Variants in NPHP4 observed in about 807,000 individuals in gnomAD.
NPHP4 encodes nephrocystin-4.
A neutral mutation model predicts 155.8 loss-of-function variants in NPHP4; 151 were observed. The observed-to-expected ratio is 0.97, with a 90% CI of 0.85 to 1.11. The LOEUF is 1.11. Ranked by LOEUF, NPHP4 falls within the 50% of genes least tolerant of loss-of-function variation. The pLI is 0.00. For missense variants in NPHP4, 1,956 were observed against 1,925.7 expected (o/e 1.02, Z -0.29); for synonymous variants, 845 against 816.8 (o/e 1.03, Z -0.59).
chr1:5,965,697 C>G (rs1401147147), intron 5 of NPHP4, among the ~76,000 whole-genome samples: 1 of 152,132 alleles, frequency 6.6e-6, no homozygotes, highest in African/African-American at 2.4e-5. Context: ...CCCATGCTAA[C>G]CACCGTTAGC....
At chr1:5,896,953 G>A (rs1474678508) in intron 16 of NPHP4, among the ~76,000 whole-genome samples, 4 of 152,116 alleles carry the variant, frequency 2.6e-5, no homozygotes, top group Admixed American at 2.0e-4. Context: ...CCGCAGCCAC[G>A]CTCCAAAGAC....
Position 5,904,794 on chromosome 1 carries a change from C to A in NPHP4, c.1966G>T (p.Asp656Tyr). ...TTTGGCCATGATGTTCCTCGGCAGTCCTGGGCCACTCTGAATCCAACAACA... is the reference window on the plus strand; with the variant it reads ...TTTGGCCATGATGTTCCTCGGCAGTACTGGGCCACTCTGAATCCAACAACA... Reference protein sequence around the residue: ...QFLAFSRVAQDCRGTSWPKTV... With the variant: ...QFLAFSRVAQYCRGTSWPKTV... The change falls in exon 16 of 30, where the codon GAC becomes TAC. Residue 656 changes from aspartate to tyrosine, a missense_variant. Physicochemically the swap from Asp to Tyr is radical, Grantham distance 160. Transcript: ENST00000378156. 1.2e-6 allele frequency: 2 copies of A among 1,613,978 alleles called. No homozygotes were observed. The highest frequency in any genetic ancestry group is 2.2e-5 in the South Asian group (2 of 91,068).
intron 16 of NPHP4, among the ~76,000 whole-genome samples, chr1:5,891,865 C>T (rs146755969): frequency 6.6e-6 from 1 of 152,230 alleles, no homozygotes; most frequent in Non-Finnish European, 1.5e-5. Context: ...AGGATGACCA[C>T]AGACCACATT....
In NPHP4 at chr1:5,947,268, C is replaced by T. The variant is rs144204852; in HGVS notation, c.993-38G>A. Reference sequence around the variant, plus strand: ...CACAAACCAGGGACACATTAGAGCTCGAGCTCCCATCCTTCCCGCATCCAC... The same window carrying T: ...CACAAACCAGGGACACATTAGAGCTTGAGCTCCCATCCTTCCCGCATCCAC... On this transcript the variant is annotated intron_variant, in intron 8 of 29. Transcript: ENST00000378156. 170 of 1,607,210 alleles carry T rather than the reference C, an allele frequency of 1.1e-4. No individual in the cohort carries two copies. In the African/African-American group the frequency reaches 1.8e-3, roughly 17 times the overall value.
chr1:5,937,522 C>A (rs1485821245), intron 9 of NPHP4, among the ~76,000 whole-genome samples: 1 of 152,260 alleles, frequency 6.6e-6, no homozygotes, highest in Admixed American at 6.5e-5. Context: ...CTTGCCTAGG[C>A]ACCCAGCCTC....
At chr1:5,932,154 T>C (rs1222563214) in intron 10 of NPHP4, among the ~76,000 whole-genome samples, 3 of 152,158 alleles carry the variant, frequency 2.0e-5, no homozygotes, top group Non-Finnish European at 2.9e-5. Flanking sequence ...TGCCTTGATA[T>C]TGATGGCTGC....
Position 5,865,170 on chromosome 1 carries a change from G to T in NPHP4, c.3748C>A (p.Leu1250Ile). Residue 1250 changes from leucine (L) to isoleucine (I), a missense_variant, in exon 27 of 30, where the codon CTT becomes ATT. Coordinates refer to ENST00000378156, the MANE Select transcript of NPHP4 (RefSeq NM_015102.5). Reference protein sequence around the residue: ...CVAGQLTRLSLVLRGTQTVRK... With the variant: ...CVAGQLTRLSIVLRGTQTVRK... ...ACTGTCTGTGTCCCCCGAAGGACAA[G>T]GGACAGGCGGGTCAGCTGGCCTGCG... 1 of 1,613,264 alleles carries T rather than the reference G, an allele frequency of 6.2e-7. No individual in the cohort carries two copies. The highest frequency in any genetic ancestry group is 8.5e-7 in the Non-Finnish European group (1 of 1,179,700).
At chr1:5,975,412 G>A (rs1260458043) in intron 3 of NPHP4, among the ~76,000 whole-genome samples, 5 of 152,174 alleles carry the variant, frequency 3.3e-5, no homozygotes, top group African/African-American at 4.8e-5. Context: ...TGAATAGCAC[G>A]GGGGCTTCAG....
Position 5,944,467 on chromosome 1 carries a change from T to C in NPHP4, c.1119+2637A>G, listed in dbSNP as rs887885759. 4.6e-5 allele frequency among the ~76,000 whole-genome samples: 7 copies of C among 152,198 alleles called. No individual in the cohort carries two copies. Among genetic ancestry groups the C allele is most frequent in the African/African-American group, 1.7e-4 (7 of 41,460 alleles). The stretch of plus-strand genomic sequence containing the variant: ...TCACAGACGGCCCCGCCATTGTGCC[T>C]TTCTCCTCTCACGTCCCGCTCAATT... On this transcript the variant is annotated intron_variant, in intron 9 of 29. Coordinates refer to ENST00000378156, the MANE Select transcript of NPHP4 (RefSeq NM_015102.5). The surrounding 1 kb of genome is among the most constrained non-coding windows in gnomAD (Gnocchi z 4.3).
chr1:5,987,464 T>A (rs980163002), intron 1 of NPHP4, among the ~76,000 whole-genome samples: 2 of 152,028 alleles, frequency 1.3e-5, no homozygotes, highest in Non-Finnish European at 2.9e-5. Flanking sequence ...CATGGTGGCA[T>A]GGTGGGGCAG....
In NPHP4 at chr1:5,882,274, G is replaced by A. The variant is rs1194679381; in HGVS notation, c.2486-2035C>T. The stretch of plus-strand genomic sequence containing the variant: ...TTACCCAGCCATCTCTCAGTGGCGC[G>A]CTTACCCAGCCATCTCTCAGTGGCG... On this transcript the variant is annotated intron_variant, in intron 18 of 29. Coordinates refer to ENST00000378156, the MANE Select transcript of NPHP4 (RefSeq NM_015102.5). This position sits in a 1 kb window ranked among gnomAD's most constrained non-coding sequence, Gnocchi z 5.1. 1.0e-4 allele frequency: 12 copies of A among 118,752 alleles called. No individual in the cohort carries two copies. The highest frequency in any genetic ancestry group is 2.5e-4 in the East Asian group (1 of 3,974). The allele number at this position is 118,752 out of a possible 1,614,324, so 7.4% of individuals were successfully genotyped here.
chr1:5,986,370 T>C, intron 1 of NPHP4, 43 bp from the exon 2 acceptor site: 1 of 1,513,786 alleles, frequency 6.6e-7, no homozygotes, highest in Non-Finnish European at 9.0e-7. Flanking sequence ...CTGTGAGGGC[T>C]ACAGTGGTCA....
intron 16 of NPHP4, among the ~76,000 whole-genome samples, chr1:5,894,970 T>C (rs1644320505): frequency 6.6e-6 from 1 of 152,154 alleles, no homozygotes; most frequent in Non-Finnish European, 1.5e-5. Flanking sequence ...TAAGAAGATG[T>C]GGCACATACA....
intron 1 of NPHP4, among the ~76,000 whole-genome samples, chr1:5,988,698 G>A (rs973885493): frequency 2.6e-5 from 4 of 152,140 alleles, no homozygotes; most frequent in South Asian, 2.1e-4. Flanking sequence ...GCATGCTCCC[G>A]GCATGTGTGG....
intron 2 of NPHP4, among the ~76,000 whole-genome samples, chr1:5,982,834 A>C (rs1654921383): frequency 6.6e-6 from 1 of 152,104 alleles, no homozygotes; most frequent in Non-Finnish European, 1.5e-5. Flanking sequence ...GATTTTCTAG[A>C]TCTCATATTA....
intron 29 of NPHP4, 85 bp from the exon 30 acceptor site, chr1:5,863,490 T>C: frequency 1.3e-6 from 2 of 1,520,026 alleles, no homozygotes; most frequent in Non-Finnish European, 1.8e-6. Flanking sequence ...GTCGTGTTTA[T>C]TTCCAAGGGG....
At chr1:5,987,838 T>C (rs1655711791) in intron 1 of NPHP4, among the ~76,000 whole-genome samples, 1 of 152,156 alleles carries the variant, frequency 6.6e-6, no homozygotes, top group Non-Finnish European at 1.5e-5. Context: ...GCAGACATCT[T>C]CTCAAACGTG....
chr1:5,876,195 G>C (rs1479441302), intron 20 of NPHP4: 3 of 151,592 alleles, frequency 2.0e-5, no homozygotes, highest in Non-Finnish European at 4.4e-5. Context: ...GGGGCCTCCA[G>C]AGGCCACAGC....
In NPHP4 at chr1:5,948,241, G is replaced by A. The variant is rs752624938; in HGVS notation, c.821C>T (p.Pro274Leu). Residue 274 changes from proline (P) to leucine (L), a missense_variant, in exon 8 of 30, where the codon CCA (proline) becomes CTA (leucine). Coordinates refer to ENST00000378156, the MANE Select transcript of NPHP4 (RefSeq NM_015102.5). ...GATCTCCAGGGCACCACCGTCCAGT[G>A]GGCCACATCCCTGGAAGAGGCACAG... is the stretch of plus-strand genomic sequence containing the variant. ...VQDHFQEGCG[P>L]LDGGALEILE... 6.4e-7 allele frequency: 1 copy of A among 1,571,016 alleles called. No homozygotes were observed. The highest frequency in any genetic ancestry group is 1.8e-5 in the Admixed American group (1 of 54,170).
Sources: allele counts gnomAD v4.1 joint callset (sites outside exome capture counted in the v4.1 genomes callset), GRCh38; gene constraint gnomAD v4.1.1; non-coding constraint Gnocchi (gnomAD v3.1); transcripts MANE v1.5; gene names NCBI Gene and HGNC (gene_info 2026-07-23, HGNC 2026-07-21).